RIMS1: variants seen among roughly 807,000 people sequenced by gnomAD.
RIMS1 encodes regulating synaptic membrane exocytosis 1.
RIMS1 carries 83 observed loss-of-function variants against 214.1 expected under a neutral mutation model. The ratio of observed to expected loss-of-function variants is 0.39; its 90% CI spans 0.32 to 0.47. The LOEUF (loss-of-function observed/expected upper bound fraction) is 0.47, where lower values mean the gene tolerates loss of function less well. Among genes scored for constraint, RIMS1 ranks in the 20% least tolerant of loss-of-function variants. RIMS1 has a pLI of 0.99. For synonymous variants in RIMS1, 793 were observed against 786.8 expected (o/e 1.01, Z -0.13); for missense variants, 2,050 against 2,161.8 (o/e 0.95, Z 1.03).
chr6:72,295,142 T>C (rs1044943182), intron 26 of RIMS1, among the ~76,000 whole-genome samples: 33 of 151,806 alleles, frequency 2.2e-4, no homozygotes, highest in African/African-American at 8.0e-4. Context: ...AATGATGTGT[T>C]AATTATGTTT....
intron 4 of RIMS1, among the ~76,000 whole-genome samples, chr6:72,123,922 A>G (rs2038962814): frequency 6.6e-6 from 1 of 151,736 alleles, no homozygotes; most frequent in Non-Finnish European, 1.5e-5. Context: ...TTGACTCTTT[A>G]TCCAATTTGC....
At chr6:72,014,830 G>A (rs184045323) in intron 2 of RIMS1, among the ~76,000 whole-genome samples, 4 of 152,120 alleles carry the variant, frequency 2.6e-5, no homozygotes, top group Non-Finnish European at 1.5e-5. Flanking sequence ...TTTGCAAATC[G>A]CTAATGAATA....
intron 1 of RIMS1, among the ~76,000 whole-genome samples, chr6:71,905,902 A>G (rs1775118121): frequency 6.6e-6 from 1 of 152,032 alleles, no homozygotes; most frequent in Admixed American, 6.6e-5. Flanking sequence ...TCTGATAACT[A>G]CTCATCTACT....
At chr6:72,180,001 G>T in intron 5 of RIMS1, 86 bp downstream of exon 5, 1 of 917,778 alleles carries the variant, frequency 1.1e-6, no homozygotes, top group Non-Finnish European at 1.6e-6. Context: ...TCTATTACGA[G>T]GAATATGTGG....
intron 6 of RIMS1, among the ~76,000 whole-genome samples, chr6:72,211,010 T>C (rs551080268): frequency 6.6e-6 from 1 of 152,294 alleles, no homozygotes; most frequent in African/African-American, 2.4e-5. Context: ...AAAAGATTAA[T>C]GTGCATTGGG....
intron 30 of RIMS1, among the ~76,000 whole-genome samples, chr6:72,392,383 A>G: frequency 6.6e-6 from 1 of 152,230 alleles, no homozygotes; most frequent in South Asian, 2.1e-4. Flanking sequence ...AGTTTATGAT[A>G]TAAAAATTCG....
chr6:71,907,771 G>A (rs1205071896), intron 1 of RIMS1, among the ~76,000 whole-genome samples: 1 of 152,102 alleles, frequency 6.6e-6, no homozygotes, highest in Middle Eastern at 3.2e-3. Flanking sequence ...TTTAACTCAT[G>A]AGAAAATCAA....
At chr6:72,109,643 T>C (rs1050366982) in intron 4 of RIMS1, among the ~76,000 whole-genome samples, 3 of 152,100 alleles carry the variant, frequency 2.0e-5, no homozygotes, top group Non-Finnish European at 2.9e-5. Flanking sequence ...TTCTCCCATT[T>C]TGTAGGTTGC....
chr6:72,153,933 T>A (rs1379552217), intron 4 of RIMS1, among the ~76,000 whole-genome samples: 1 of 152,170 alleles, frequency 6.6e-6, no homozygotes, highest in African/African-American at 2.4e-5. Context: ...ATAGAACTTC[T>A]TTGCATGCTA....
Position 72,120,410 on chromosome 6 carries a change from A to G in RIMS1, c.471+20424A>G, listed in dbSNP as rs964509404. On this transcript the variant is annotated intron_variant, in intron 4 of 33. Transcript: ENST00000521978. ...TGCATTTCTCTGATGGCCAGTGATG[A>G]TGAGCATTTTTTCATGTGTTTGTTG... Among the ~76,000 whole-genome samples the G allele has an allele frequency of 6.6e-4, 100 of 151,856 alleles. 1 individual carries two copies. Among genetic ancestry groups the G allele is most frequent in the Admixed American group, 1.4e-3 (21 of 15,214 alleles).
rs1211082159 is a variant in RIMS1 at position 72,005,351 on chromosome 6, C to T, written c.245+36288C>T. Among the ~76,000 whole-genome samples, 9 of 152,210 alleles carry T rather than the reference C, an allele frequency of 5.9e-5. No homozygotes were observed. In the South Asian group the frequency reaches 8.3e-4, roughly 14 times the overall value. ...TTGGCTTAGGATTGACTTGGCGATG[C>T]GGGCTCTTTTTTGGTTCCATATGAA... On this transcript the variant is annotated intron_variant, in intron 2 of 33. Transcript: ENST00000521978.
intron 24 of RIMS1, 49 bp downstream of exon 24, chr6:72,284,167 T>C (rs777297525): frequency 4.8e-6 from 7 of 1,464,530 alleles, no homozygotes; most frequent in Non-Finnish European, 6.7e-6. Context: ...TAGGAATATA[T>C]TTAGGGGTGC....
chr6:71,912,334 A>T (rs1777170115), intron 1 of RIMS1, among the ~76,000 whole-genome samples: 1 of 152,100 alleles, frequency 6.6e-6, no homozygotes, highest in Non-Finnish European at 1.5e-5. Flanking sequence ...CAAATTAATT[A>T]TTTCTCACCA....
chr6:72,244,663 A>G (rs1171435566), intron 10 of RIMS1, among the ~76,000 whole-genome samples: 3 of 151,836 alleles, frequency 2.0e-5, no homozygotes, highest in Admixed American at 6.6e-5. Flanking sequence ...ATGATTTTAT[A>G]TAAATGTATA....
chr6:72,096,483 A>C (rs2031749096), intron 2 of RIMS1, among the ~76,000 whole-genome samples: 1 of 152,226 alleles, frequency 6.6e-6, no homozygotes, highest in African/African-American at 2.4e-5. Context: ...TATTGTGACA[A>C]ACTTATTTTT....
intron 2 of RIMS1, among the ~76,000 whole-genome samples, chr6:72,003,300 T>G (rs1262898918): frequency 6.6e-6 from 1 of 152,154 alleles, no homozygotes; most frequent in Non-Finnish European, 1.5e-5. Context: ...AAACTTTTCC[T>G]TCTTGAAATG....
At chr6:72,038,430 A>G (rs190260556) in intron 2 of RIMS1, among the ~76,000 whole-genome samples, 45 of 152,156 alleles carry the variant, frequency 3.0e-4, no homozygotes, top group Admixed American at 6.6e-4. Flanking sequence ...ATGTTTAAAG[A>G]TAAGAATACC....
At chr6:71,984,765 G>A (rs922017344) in intron 2 of RIMS1, among the ~76,000 whole-genome samples, 9 of 133,754 alleles carry the variant, frequency 6.7e-5, no homozygotes, top group African/African-American at 2.2e-4. Flanking sequence ...ATGTATGTAT[G>A]TATGTACATA....
At chr6:71,963,293 A>G (rs1793487881) in intron 1 of RIMS1, among the ~76,000 whole-genome samples, 1 of 152,136 alleles carries the variant, frequency 6.6e-6, no homozygotes, top group South Asian at 2.1e-4. Context: ...GCCATTTATC[A>G]TTGGAAAAAT....
Sources: gnomAD v4.1 joint callset for allele counts (sites outside exome capture counted in the v4.1 genomes callset) on GRCh38, gnomAD v4.1.1 for gene constraint, MANE v1.5 for transcripts, NCBI Gene and HGNC (gene_info 2026-07-23, HGNC 2026-07-21) for gene names.